The following TBC1D19 variants were observed in gnomAD, a reference collection of about 807,000 sequenced individuals.
TBC1D19 encodes TBC1 domain family, member 19.
A neutral mutation model predicts 89.0 loss-of-function variants in TBC1D19; 60 were observed. That is an observed-to-expected ratio of 0.67 (90% CI 0.55 to 0.84). TBC1D19 has a LOEUF of 0.84. Among genes scored for constraint, TBC1D19 ranks in the 40% least tolerant of loss-of-function variants. The probability of loss-of-function intolerance (pLI) is 0.00; values close to 1 mark genes in which losing one functional copy is unlikely to be tolerated. For missense variants in TBC1D19, 500 were observed against 610.8 expected, an observed-to-expected ratio of 0.82 and a Z score of 1.91; for synonymous variants, 189 against 199.7, an observed-to-expected ratio of 0.95 and a Z score of 0.45.
chr4:26,638,670 C>A (rs548211250), intron 5 of TBC1D19, 101 bp from the exon 6 acceptor site: 61 of 853,270 alleles, frequency 7.1e-5, no homozygotes, highest in Non-Finnish European at 1.1e-4. Context: ...CTGTTATGGT[C>A]ATTTATTTAG....
intron 12 of TBC1D19, among the ~76,000 whole-genome samples, chr4:26,685,605 A>G (rs1290255076): frequency 6.6e-6 from 1 of 152,216 alleles, no homozygotes; most frequent in Non-Finnish European, 1.5e-5. Context: ...GACCTAGCCA[A>G]TCTGACTTCA....
intron 1 of TBC1D19, chr4:26,585,145 C>T: frequency 6.9e-6 from 3 of 431,946 alleles, no homozygotes; most frequent in South Asian, 3.3e-5. Flanking sequence ...TTCTTTTTTT[C>T]TTGGATAAAT....
chr4:26,841,684 T>C, the TBC1D19 span, among the ~76,000 whole-genome samples: 1 of 152,200 alleles, frequency 6.6e-6, no homozygotes, highest in Middle Eastern at 3.2e-3. Flanking sequence ...GAGTCTGAAC[T>C]TACCCTACGC....
chr4:26,601,794 A>G (rs1560409213), intron 1 of TBC1D19, among the ~76,000 whole-genome samples: 1 of 152,158 alleles, frequency 6.6e-6, no homozygotes, highest in Non-Finnish European at 1.5e-5. Flanking sequence ...TGATTCTTAC[A>G]TTCTATTGGA....
At chr4:26,779,924 C>T in the TBC1D19 span, among the ~76,000 whole-genome samples, 1 of 152,066 alleles carries the variant, frequency 6.6e-6, no homozygotes, top group Non-Finnish European at 1.5e-5. Context: ...TGGCTGTATC[C>T]CAAAGTTTTG....
At chr4:26,711,817 T>C (rs1044761969) in intron 13 of TBC1D19, among the ~76,000 whole-genome samples, 1 of 152,098 alleles carries the variant, frequency 6.6e-6, no homozygotes, top group African/African-American at 2.4e-5. Context: ...TCCATACAGA[T>C]ACAAAAATTA....
intron 1 of TBC1D19, among the ~76,000 whole-genome samples, chr4:26,599,813 T>C (rs1436509717): frequency 6.6e-6 from 1 of 151,792 alleles, no homozygotes; most frequent in Admixed American, 6.6e-5. Context: ...CTGGGTATGG[T>C]GGCGTGCATC....
At chr4:26,809,302 C>G in the TBC1D19 span, among the ~76,000 whole-genome samples, 1 of 152,186 alleles carries the variant, frequency 6.6e-6, no homozygotes, top group Admixed American at 6.5e-5. Flanking sequence ...CTTCCTTGGC[C>G]TCTGTTTTTC....
chr4:26,695,034 C>G lies in TBC1D19; in HGVS notation c.954+6627C>G, dbSNP rs181004087. 2.1e-3 allele frequency among the ~76,000 whole-genome samples: 326 copies of G among 152,326 alleles called. 3 individuals carry two copies. The highest frequency in any genetic ancestry group is 1.7e-3 in the Non-Finnish European group (116 of 68,024). ...GCTCCTCACCAGCAACGGAAAAAAG[C>G]TGGATGGAGAATGACTTTGACGAGT... On this transcript the variant is annotated intron_variant, in intron 13 of 20. Transcript: ENST00000264866.
At chr4:26,685,151 A>G (rs1476096010) in intron 12 of TBC1D19, among the ~76,000 whole-genome samples, 1 of 152,182 alleles carries the variant, frequency 6.6e-6, no homozygotes, top group African/African-American at 2.4e-5. Flanking sequence ...AAATAATAAA[A>G]CAGAAATGCT....
chr4:26,656,958 T>TTTCTTCTTCTTCTTCTTCTTCTTC (rs56762622), intron 7 of TBC1D19, among the ~76,000 whole-genome samples: 627 of 47,848 alleles, frequency 0.013, 165 homozygotes, highest in Middle Eastern at 0.031. Context: ...CCCTGCAATC[T>TTTCTTCTTCTTCTTCTTCTTCTTC]TTCTTCTTCT....
chr4:26,682,599 G>C (rs1174289102), intron 11 of TBC1D19, among the ~76,000 whole-genome samples: 3 of 152,154 alleles, frequency 2.0e-5, no homozygotes, highest in African/African-American at 7.2e-5. Context: ...AATTGCCTTT[G>C]GGTTTGAGAG....
At chr4:26,737,748 T>C (rs917945599) in intron 16 of TBC1D19, among the ~76,000 whole-genome samples, 1 of 152,130 alleles carries the variant, frequency 6.6e-6, no homozygotes, top group Non-Finnish European at 1.5e-5. Context: ...CCTAAGGAAC[T>C]CTAGTTAGTA....
At position 26,604,525 on chromosome 4, in the gene TBC1D19, A is replaced by G. The variant is rs886389950; in HGVS notation, c.100-8644A>G. ...ATGTACATATGATTTTTGTTTATCC[A>G]TTTATCCATCTATAGACATTTGGAT... is the stretch of plus-strand genomic sequence containing the variant. On this transcript the variant is annotated intron_variant, in intron 1 of 20. Coordinates refer to ENST00000264866, the MANE Select transcript of TBC1D19 (RefSeq NM_018317.4). 3.1e-4 allele frequency among the ~76,000 whole-genome samples: 47 copies of G among 151,312 alleles called. 1 individual carries two copies. The highest frequency in any genetic ancestry group is 2.6e-3 in the Admixed American group (40 of 15,126).
chr4:26,780,720 C>A, the TBC1D19 span, among the ~76,000 whole-genome samples: 1 of 152,204 alleles, frequency 6.6e-6, no homozygotes, highest in Non-Finnish European at 1.5e-5. Context: ...CTTGTAACAC[C>A]TCCCTTGAGA....
intron 1 of TBC1D19, among the ~76,000 whole-genome samples, chr4:26,594,396 C>G (rs140419475): frequency 1.3e-5 from 2 of 151,676 alleles, no homozygotes; most frequent in Non-Finnish European, 2.9e-5. Context: ...TGTTAAATGA[C>G]GAGTTAATGG....
the TBC1D19 span, among the ~76,000 whole-genome samples, chr4:26,778,409 C>G: frequency 7.1e-6 from 1 of 140,800 alleles, no homozygotes. Context: ...GAGTGAGACT[C>G]CATCTCAAAA....
chr4:26,587,138 A>G (rs1174229384), intron 1 of TBC1D19, among the ~76,000 whole-genome samples: 1 of 152,226 alleles, frequency 6.6e-6, no homozygotes, highest in Non-Finnish European at 1.5e-5. Context: ...GATATGATGA[A>G]TAATACTGAT....
downstream of TBC1D19, among the ~76,000 whole-genome samples, chr4:26,757,466 T>C (rs971582736): frequency 6.6e-6 from 1 of 152,236 alleles, no homozygotes; most frequent in Non-Finnish European, 1.5e-5. Flanking sequence ...CAGTGATACA[T>C]TGGCATTGAT....
Sources: gnomAD v4.1 joint callset for allele counts (sites outside exome capture counted in the v4.1 genomes callset) on GRCh38, gnomAD v4.1.1 for gene constraint, MANE v1.5 for transcripts, NCBI Gene and HGNC (gene_info 2026-07-23, HGNC 2026-07-21) for gene names.